The following NKAIN2 variants were observed in gnomAD, a reference collection of about 807,000 sequenced individuals.
The protein encoded by NKAIN2 is sodium/potassium-transporting ATPase subunit beta-1-interacting protein 2.
Under a neutral mutation model 32.6 loss-of-function variants are expected in NKAIN2, and 14 were observed. The ratio of observed to expected loss-of-function variants is 0.43; its 90% CI spans 0.28 to 0.67. NKAIN2 has a LOEUF of 0.67. Ranked by LOEUF, NKAIN2 falls within the 30% of genes least tolerant of loss-of-function variation. The pLI, the probability that NKAIN2 is intolerant of heterozygous loss-of-function variation, is 0.17. For missense variants in NKAIN2, 198 were observed against 258.3 expected (o/e 0.77, Z 1.60); for synonymous variants, 80 against 87.2 (o/e 0.92, Z 0.46).
In NKAIN2 at chr6:123,883,658, T is replaced by TAAA. The variant is rs71021468; in HGVS notation, c.54+79406_54+79408dup. 2.5e-4 allele frequency among the ~76,000 whole-genome samples: 37 copies of TAAA among 145,328 alleles called. 1 individual carries two copies. Among genetic ancestry groups the TAAA allele is most frequent in the East Asian group, 1.2e-3 (6 of 4,942 alleles). On this transcript the variant is annotated intron_variant, in intron 1 of 6. Transcript: ENST00000368417. The stretch of plus-strand genomic sequence containing the variant: ...CTCTTTTTTAAAAAAAAATTTTTTT[T>TAAA]AAAATTTTAAAAAACCTCTTTAAAA...
intron 3 of NKAIN2, among the ~76,000 whole-genome samples, chr6:124,452,134 G>T (rs971925176): frequency 6.6e-6 from 1 of 151,044 alleles, no homozygotes; most frequent in African/African-American, 2.4e-5. Flanking sequence ...GGCAGAGGTT[G>T]CAGTGAGCAA....
chr6:124,081,352 A>G (rs1783961389), intron 1 of NKAIN2, among the ~76,000 whole-genome samples: 1 of 152,118 alleles, frequency 6.6e-6, no homozygotes. Context: ...ATCAAATAAG[A>G]CATTTTGAAA....
intron 1 of NKAIN2, among the ~76,000 whole-genome samples, chr6:123,937,829 T>C (rs1776589768): frequency 6.6e-6 from 1 of 152,104 alleles, no homozygotes; most frequent in Non-Finnish European, 1.5e-5. Flanking sequence ...ACAGTACTTT[T>C]CCTCAATTTC....
At chr6:124,051,962 C>T (rs1250901487) in intron 1 of NKAIN2, among the ~76,000 whole-genome samples, 1 of 151,978 alleles carries the variant, frequency 6.6e-6, no homozygotes, top group African/African-American at 2.4e-5. Context: ...TCACTAGTAC[C>T]TCCTACAGAC....
rs142725981 is a variant in NKAIN2 at position 124,185,551 on chromosome 6, C to A, written c.55-97454C>A. ...TACACTAATTGCTTTTATAACAAATCAAAATGTCTAATATATATGATTATT... is the reference window on the plus strand; with the variant it reads ...TACACTAATTGCTTTTATAACAAATAAAAATGTCTAATATATATGATTATT... On this transcript the variant is annotated intron_variant, in intron 1 of 6. Coordinates refer to ENST00000368417, the MANE Select transcript of NKAIN2 (RefSeq NM_001040214.3). 5.6e-3 allele frequency among the ~76,000 whole-genome samples: 851 copies of A among 152,250 alleles called. 13 individuals carry two copies. Among genetic ancestry groups the A allele is most frequent in the African/African-American group, 0.017 (720 of 41,564 alleles).
At chr6:124,131,080 T>C (rs1409478934) in intron 1 of NKAIN2, among the ~76,000 whole-genome samples, 1 of 152,210 alleles carries the variant, frequency 6.6e-6, no homozygotes, top group East Asian at 1.9e-4. Context: ...TAGAATATCC[T>C]AAAGTTATAA....
intron 1 of NKAIN2, among the ~76,000 whole-genome samples, chr6:124,263,425 A>G (rs1794340151): frequency 6.6e-6 from 1 of 152,206 alleles, no homozygotes; most frequent in Admixed American, 6.5e-5. Flanking sequence ...AGTATAGACT[A>G]TAAATGATAA....
chr6:123,932,680 G>A (rs1390123437), intron 1 of NKAIN2, among the ~76,000 whole-genome samples: 1 of 151,774 alleles, frequency 6.6e-6, no homozygotes, highest in Non-Finnish European at 1.5e-5. Context: ...GCCTCCCAAA[G>A]TGCTGGGATT....
chr6:124,530,841 C>T (rs898006061), intron 3 of NKAIN2, among the ~76,000 whole-genome samples: 3 of 152,112 alleles, frequency 2.0e-5, no homozygotes, highest in Non-Finnish European at 4.4e-5. Flanking sequence ...AACTCTTCAT[C>T]GAAGGGTCGA....
chr6:124,378,615 G>A (rs1022568197), intron 3 of NKAIN2, among the ~76,000 whole-genome samples: 1 of 152,150 alleles, frequency 6.6e-6, no homozygotes, highest in East Asian at 1.9e-4. Flanking sequence ...GCCACCCAGA[G>A]AACATTCCTG....
At chr6:124,444,442 T>C (rs1040543825) in intron 3 of NKAIN2, among the ~76,000 whole-genome samples, 1 of 152,054 alleles carries the variant, frequency 6.6e-6, no homozygotes. Flanking sequence ...AATTCCTAAC[T>C]GGGATGGTTG....
chr6:124,623,233 T>G (rs80098454), intron 3 of NKAIN2, among the ~76,000 whole-genome samples: 1,690 of 152,270 alleles, frequency 0.011, 25 homozygotes, highest in African/African-American at 0.038. Flanking sequence ...CATTTTATCT[T>G]AAATATATTT....
At chr6:124,467,327 G>A (rs1176557661) in intron 3 of NKAIN2, among the ~76,000 whole-genome samples, 1 of 152,076 alleles carries the variant, frequency 6.6e-6, no homozygotes, top group South Asian at 2.1e-4. Context: ...TTTGATGCAT[G>A]TAAGACTGAA....
chr6:124,025,341 T>C (rs1374015202), intron 1 of NKAIN2, among the ~76,000 whole-genome samples: 3 of 152,126 alleles, frequency 2.0e-5, no homozygotes, highest in Admixed American at 6.5e-5. Context: ...ATACATGTGG[T>C]TCTGTTCTTC....
intron 3 of NKAIN2, among the ~76,000 whole-genome samples, chr6:124,398,184 C>T (rs754062234): frequency 8.3e-5 from 11 of 132,932 alleles, no homozygotes; most frequent in Non-Finnish European, 1.5e-4. Flanking sequence ...ACCTGGGAGG[C>T]GGAGCTTGCA....
chr6:124,795,040 A>C (rs1779936766), intron 5 of NKAIN2, among the ~76,000 whole-genome samples: 2 of 152,202 alleles, frequency 1.3e-5, no homozygotes, highest in Admixed American at 1.3e-4. Flanking sequence ...GAGGGTCTCT[A>C]TGTGCCTATT....
intron 3 of NKAIN2, among the ~76,000 whole-genome samples, chr6:124,630,991 C>A (rs938520447): frequency 6.6e-6 from 1 of 152,132 alleles, no homozygotes; most frequent in Non-Finnish European, 1.5e-5. Flanking sequence ...ACAAATGTAA[C>A]TAGCTTTTTA....
At chr6:124,017,811 G>A (rs759833975) in intron 1 of NKAIN2, among the ~76,000 whole-genome samples, 1 of 152,018 alleles carries the variant, frequency 6.6e-6, no homozygotes, top group Non-Finnish European at 1.5e-5. Flanking sequence ...TCCCAGCCTG[G>A]CATTTAGTTT....
chr6:124,618,204 G>A (rs1407988580), intron 3 of NKAIN2, among the ~76,000 whole-genome samples: 3 of 152,142 alleles, frequency 2.0e-5, no homozygotes, highest in South Asian at 4.1e-4. Flanking sequence ...CTGGCTGGGC[G>A]TGGTGGCTCA....
Sources: allele counts gnomAD v4.1 joint callset (sites outside exome capture counted in the v4.1 genomes callset), GRCh38; gene constraint gnomAD v4.1.1; transcripts MANE v1.5; gene names NCBI Gene and HGNC (gene_info 2026-07-23, HGNC 2026-07-21).